Variants in IGF2BP3 observed in about 807,000 individuals in gnomAD.
The protein encoded by IGF2BP3 is insulin like growth factor 2 mRNA binding protein 3.
In IGF2BP3, 9 loss-of-function variants were observed where a neutral mutation model predicts 73.8. The ratio of observed to expected loss-of-function variants is 0.12; its 90% confidence interval spans 0.07 to 0.21. The LOEUF (loss-of-function observed/expected upper bound fraction) is 0.21. Among genes scored for constraint, IGF2BP3 ranks in the 10% least tolerant of loss-of-function variants. The pLI, the probability that IGF2BP3 is intolerant of heterozygous loss-of-function variation, is 1.00. For missense variants in IGF2BP3, 542 were observed against 714.0 expected (o/e 0.76, Z 2.75); for synonymous variants, 258 against 256.7 (o/e 1.01, Z -0.05).
chr7:23,450,486 A>C (rs558741602), intron 2 of IGF2BP3, among the ~76,000 whole-genome samples: 24 of 152,326 alleles, frequency 1.6e-4, no homozygotes, highest in African/African-American at 5.0e-4. Flanking sequence ...TAGTATTTTG[A>C]AAAACTTCTA....
chr7:23,430,970 G>A (rs1364052360), intron 2 of IGF2BP3, among the ~76,000 whole-genome samples: 1 of 152,176 alleles, frequency 6.6e-6, no homozygotes, highest in Non-Finnish European at 1.5e-5. Flanking sequence ...AATATTTAAT[G>A]AAGACATGCG....
chr7:23,370,917 G>A (rs1785523160), intron 3 of IGF2BP3, among the ~76,000 whole-genome samples: 1 of 151,872 alleles, frequency 6.6e-6, no homozygotes, highest in Non-Finnish European at 1.5e-5. Flanking sequence ...GACCTCAAGT[G>A]ATGTGCCCAC....
chr7:23,456,507 C>T (rs1483492525), intron 2 of IGF2BP3, among the ~76,000 whole-genome samples: 4 of 152,230 alleles, frequency 2.6e-5, no homozygotes, highest in African/African-American at 9.6e-5. Flanking sequence ...GAGTCCTAGA[C>T]ATCTTAGCTA....
At chr7:23,430,979 C>T (rs896739613) in intron 2 of IGF2BP3, among the ~76,000 whole-genome samples, 35 of 152,214 alleles carry the variant, frequency 2.3e-4, no homozygotes, top group South Asian at 6.2e-4. Flanking sequence ...TGAAGACATG[C>T]GCTTATGACA....
chr7:23,326,179 T>C (rs1332902539), intron 10 of IGF2BP3, among the ~76,000 whole-genome samples: 5 of 151,916 alleles, frequency 3.3e-5, no homozygotes, highest in East Asian at 1.9e-4. Context: ...TGACAAAGGG[T>C]TAATATCCAG....
At chr7:23,466,764 A>G (rs1313490523) in intron 2 of IGF2BP3, among the ~76,000 whole-genome samples, 1 of 152,234 alleles carries the variant, frequency 6.6e-6, no homozygotes, top group Admixed American at 6.5e-5. Flanking sequence ...CGGTTAGCAA[A>G]AGAAAAGCAG....
intron 11 of IGF2BP3, among the ~76,000 whole-genome samples, chr7:23,318,778 G>T (rs1417806675): frequency 1.3e-5 from 2 of 152,110 alleles, no homozygotes; most frequent in Non-Finnish European, 2.9e-5. Flanking sequence ...TCTTTATTAT[G>T]TTCTCCTCTC....
At chr7:23,405,846 G>C (rs1487731817) in intron 3 of IGF2BP3, among the ~76,000 whole-genome samples, 1 of 152,136 alleles carries the variant, frequency 6.6e-6, no homozygotes, top group South Asian at 2.1e-4. Context: ...GAACAAACAA[G>C]TCCATCTTGG....
chr7:23,314,786 A>T (rs1357312204), intron 12 of IGF2BP3, among the ~76,000 whole-genome samples: 3 of 152,194 alleles, frequency 2.0e-5, no homozygotes, highest in Non-Finnish European at 4.4e-5. Context: ...AGAGGCTACA[A>T]CATCAAGGTA....
intron 3 of IGF2BP3, among the ~76,000 whole-genome samples, chr7:23,376,332 G>A (rs540043971): frequency 5.3e-5 from 8 of 151,532 alleles, no homozygotes; most frequent in African/African-American, 7.3e-5. Flanking sequence ...CAAGGCAGGC[G>A]GATCACCTGA....
chr7:23,430,071 T>C (rs1584035374), intron 2 of IGF2BP3, among the ~76,000 whole-genome samples: 2 of 151,404 alleles, frequency 1.3e-5, no homozygotes, highest in East Asian at 3.9e-4. Context: ...ACTTGTAACA[T>C]GTTCTTCTTT....
chr7:23,455,364 C>T (rs1788292303), intron 2 of IGF2BP3, among the ~76,000 whole-genome samples: 1 of 152,210 alleles, frequency 6.6e-6, no homozygotes, highest in Non-Finnish European at 1.5e-5. Context: ...GTGGCTCCTG[C>T]TGTCCCTTCT....
chr7:23,444,517 G>C (rs1584051597), intron 2 of IGF2BP3, among the ~76,000 whole-genome samples: 1 of 151,924 alleles, frequency 6.6e-6, no homozygotes, highest in Admixed American at 6.6e-5. Context: ...AAAGCAAATG[G>C]ATCACTTGAG....
chr7:23,395,751 C>T (rs1024873257), intron 3 of IGF2BP3, among the ~76,000 whole-genome samples: 5 of 151,990 alleles, frequency 3.3e-5, no homozygotes, highest in African/African-American at 1.2e-4. Flanking sequence ...CATGGTAAAA[C>T]CCTGTCTTTA....
intron 9 of IGF2BP3, among the ~76,000 whole-genome samples, chr7:23,342,923 T>C (rs897669627): frequency 2.0e-5 from 3 of 152,188 alleles, no homozygotes; most frequent in Non-Finnish European, 4.4e-5. Context: ...GGGTGTAAAA[T>C]GGCTAGCATT....
chr7:23,408,513 T>G (rs1786918102), intron 3 of IGF2BP3, among the ~76,000 whole-genome samples: 2 of 152,082 alleles, frequency 1.3e-5, no homozygotes, highest in Admixed American at 1.3e-4. Context: ...AGTGTTGAAG[T>G]GGACATGGAG....
At chr7:23,440,687 C>T (rs12532727) in intron 2 of IGF2BP3, among the ~76,000 whole-genome samples, 72 of 152,128 alleles carry the variant, frequency 4.7e-4, no homozygotes, top group Non-Finnish European at 9.6e-4. Flanking sequence ...GAGCGGCACA[C>T]CAGGACTCCA....
intron 3 of IGF2BP3, among the ~76,000 whole-genome samples, chr7:23,371,536 G>T (rs988861752): frequency 6.6e-6 from 1 of 152,110 alleles, no homozygotes; most frequent in African/African-American, 2.4e-5. Flanking sequence ...CCACCTTAAT[G>T]TATATTTCTC....
intron 8 of IGF2BP3, among the ~76,000 whole-genome samples, chr7:23,345,091 T>C (rs1784798247): frequency 6.6e-6 from 1 of 152,240 alleles, no homozygotes; most frequent in African/African-American, 2.4e-5. Flanking sequence ...TACTACCTCC[T>C]TTGAAAACTC....
Sources: allele counts gnomAD v4.1 joint callset (sites outside exome capture counted in the v4.1 genomes callset), GRCh38; gene constraint gnomAD v4.1.1; transcripts MANE v1.5; gene names NCBI Gene and HGNC (gene_info 2026-07-23, HGNC 2026-07-21).